The following TIPIN variants were observed in gnomAD, a reference collection of about 807,000 sequenced individuals.
TIPIN encodes the protein TIMELESS interacting protein.
In TIPIN, 29 loss-of-function variants were observed where a neutral mutation model predicts 35.6. That is an observed-to-expected ratio of 0.82 (90% CI 0.61 to 1.11). The LOEUF (loss-of-function observed/expected upper bound fraction) is 1.11, where lower values mean the gene tolerates loss of function less well. TIPIN is among the 50% of genes most tolerant of loss of function. The pLI, the probability that TIPIN is intolerant of heterozygous loss-of-function variation, is 0.00. For missense variants in TIPIN, 296 were observed against 345.4 expected (o/e 0.86, Z 1.13); for synonymous variants, 102 against 121.5 (o/e 0.84, Z 1.06).
chr15:66,382,698 CT>C (rs2093322608), intron 1 of TIPIN: 2 of 158,380 alleles, frequency 1.3e-5, no homozygotes, highest in African/African-American at 4.8e-5. Context: ...TTTCTTGGAT[CT>C]TCACATTTGT....
At chr15:66,377,661 GTTTT>G (rs35845765) in intron 1 of TIPIN, among the ~76,000 whole-genome samples, 81 of 150,338 alleles carry the variant, frequency 5.4e-4, no homozygotes, top group African/African-American at 1.9e-3. Flanking sequence ...CAGCGCCTGG[GTTTT>G]TTTTTGTTTG....
rs2093046356 is a variant in TIPIN at position 66,336,547 on chromosome 15, C to CT, written c.*410dup. 1 of 180,544 alleles carries CT rather than the reference C, an allele frequency of 5.5e-6. No homozygotes were observed. Among genetic ancestry groups the CT allele is most frequent in the East Asian group, 1.4e-4 (1 of 7,198 alleles). 11.2% of individuals were successfully genotyped at this position (180,544 alleles called of 1,614,324 possible). The stretch of plus-strand genomic sequence containing the variant: ...CCAGCCTGGCCAACAGAGTGAGACT[C>CT]TGTGTCAAAAAAAACAAAACAAAAC... On this transcript the variant is annotated 3_prime_UTR_variant, in exon 8 of 8. Coordinates refer to ENST00000261881, the MANE Select transcript of TIPIN (RefSeq NM_017858.3).
At position 66,368,658 on chromosome 15, in the gene TIPIN, T is replaced by A. The variant is rs539242297; in HGVS notation, c.-8-15703A>T. On this transcript the variant is annotated intron_variant, in intron 1 of 7. Coordinates refer to the TIPIN transcript ENST00000562124. ...GTATGGATTATGATATATCCAAATATATTGAATTTATGCAAAATATGGCTT... is the reference window on the plus strand; with the variant it reads ...GTATGGATTATGATATATCCAAATAAATTGAATTTATGCAAAATATGGCTT... 2.8e-3 allele frequency among the ~76,000 whole-genome samples: 421 copies of A among 152,290 alleles called. 5 individuals carry two copies. Among genetic ancestry groups the A allele is most frequent in the African/African-American group, 9.9e-3 (413 of 41,570 alleles).
chr15:66,337,683 C>T (rs545421616), intron 7 of TIPIN, among the ~76,000 whole-genome samples: 99 of 151,556 alleles, frequency 6.5e-4, no homozygotes, highest in African/African-American at 2.1e-3. Flanking sequence ...AGGCCCGATC[C>T]CAACAATGTG....
intron 1 of TIPIN, among the ~76,000 whole-genome samples, chr15:66,378,450 T>C (rs1283006297): frequency 6.6e-6 from 1 of 152,188 alleles, no homozygotes; most frequent in Non-Finnish European, 1.5e-5. Flanking sequence ...CTCTTAATTA[T>C]ATTAAAGAAA....
At chr15:66,371,532 G>C in intron 1 of TIPIN, 1 of 318,312 alleles carries the variant, frequency 3.1e-6, no homozygotes, top group Non-Finnish European at 4.5e-6. Context: ...TTTTTTTTTG[G>C]AGATGGAGTC....
intron 1 of TIPIN, among the ~76,000 whole-genome samples, chr15:66,353,631 A>T (rs78881408): frequency 4.0e-5 from 6 of 151,858 alleles, no homozygotes; most frequent in African/African-American, 1.4e-4. Context: ...AAAAAAAAAA[A>T]ATCTGTTTAT....
chr15:66,337,956 CAA>C (rs1296366143), intron 7 of TIPIN, among the ~76,000 whole-genome samples: 2 of 151,786 alleles, frequency 1.3e-5, no homozygotes, highest in African/African-American at 4.8e-5. Flanking sequence ...TGTTCTTATT[CAA>C]AATCAAACTA....
chr15:66,353,198 T>C (rs1287875652), intron 1 of TIPIN, among the ~76,000 whole-genome samples: 1 of 152,124 alleles, frequency 6.6e-6, no homozygotes, highest in African/African-American at 2.4e-5. Flanking sequence ...ACCTCAACTA[T>C]TGAGTTTCCC....
At chr15:66,338,782 C>G (rs2093063162) in intron 7 of TIPIN, among the ~76,000 whole-genome samples, 1 of 144,548 alleles carries the variant, frequency 6.9e-6, no homozygotes. Flanking sequence ...CCATTGCACT[C>G]CAGCCTGGGT....
chr15:66,339,147 A>G (rs1328110556), intron 7 of TIPIN, among the ~76,000 whole-genome samples: 3 of 56,014 alleles, frequency 5.4e-5, no homozygotes, highest in African/African-American at 1.0e-4. Context: ...AAAAAAAAAA[A>G]AAAAAAAAAA....
chr15:66,382,119 A>T (rs1418152527), intron 1 of TIPIN, among the ~76,000 whole-genome samples: 3 of 152,130 alleles, frequency 2.0e-5, no homozygotes, highest in African/African-American at 7.2e-5. Flanking sequence ...ACCTATCACC[A>T]TCACCATTTA....
chr15:66,358,783 C>T (rs867046206), upstream of TIPIN, among the ~76,000 whole-genome samples: 1 of 152,002 alleles, frequency 6.6e-6, no homozygotes, highest in South Asian at 2.1e-4. Flanking sequence ...GTGGCTCACA[C>T]CTGTAATCCC....
At chr15:66,370,156 C>T (rs189879881) in intron 1 of TIPIN, among the ~76,000 whole-genome samples, 1,885 of 152,150 alleles carry the variant, frequency 0.012, 33 homozygotes, top group African/African-American at 0.041. Context: ...GCTGGTATGT[C>T]CTGAGTATAT....
chr15:66,352,957 T>G lies in TIPIN; in HGVS notation c.-8-2A>C, dbSNP rs778105081. The G allele has an allele frequency of 6.2e-7, 1 of 1,609,028 alleles. No homozygotes were observed. Among genetic ancestry groups the G allele is most frequent in the Non-Finnish European group, 8.5e-7 (1 of 1,177,886 alleles). On this transcript the variant is annotated splice_acceptor_variant, in intron 1 of 7. Transcript: ENST00000261881. LOFTEE classifies it low-confidence loss of function (5UTR_SPLICE). ...CCTGTGGTTCTAGCATCTTTTCCTC[T>G]AGGGGAAAAAATTAAAGTTATTTGT...
upstream of TIPIN, among the ~76,000 whole-genome samples, chr15:66,360,773 C>T (rs1566980711): frequency 6.6e-6 from 1 of 152,168 alleles, no homozygotes; most frequent in Non-Finnish European, 1.5e-5. Context: ...TCAAGACCAG[C>T]CTGGCCAACA....
intron 5 of TIPIN, 70 bp from the exon 6 acceptor site, chr15:66,349,193 T>G: frequency 2.5e-6 from 4 of 1,597,548 alleles, no homozygotes; most frequent in Non-Finnish European, 3.4e-6. Context: ...AATTTGCTAT[T>G]ACTTTTCCCT....
intron 7 of TIPIN, among the ~76,000 whole-genome samples, chr15:66,340,804 C>T (rs1288961502): frequency 6.6e-6 from 1 of 152,014 alleles, no homozygotes; most frequent in Non-Finnish European, 1.5e-5. Flanking sequence ...ATCATGTTGG[C>T]CAGGCTGGTC....
chr15:66,341,914 G>A (rs539756275), intron 6 of TIPIN, among the ~76,000 whole-genome samples: 5 of 152,162 alleles, frequency 3.3e-5, no homozygotes, highest in South Asian at 2.1e-4. Context: ...GGCCGGGCGC[G>A]GTGGCTCACG....
Sources: gnomAD v4.1 joint callset for allele counts (sites outside exome capture counted in the v4.1 genomes callset) on GRCh38, gnomAD v4.1.1 for gene constraint, MANE v1.5 for transcripts, NCBI Gene and HGNC (gene_info 2026-07-23, HGNC 2026-07-21) for gene names.